Variants in ARHGAP22 observed in about 807,000 individuals in gnomAD.
ARHGAP22 encodes the protein Rho GTPase activating protein 22.
ARHGAP22 carries 48 observed loss-of-function variants against 59.1 expected under a neutral mutation model. The observed-to-expected ratio is 0.81, with a 90% confidence interval of 0.64 to 1.03. The LOEUF (loss-of-function observed/expected upper bound fraction) is 1.03, where lower values mean the gene tolerates loss of function less well. ARHGAP22 is among the 50% of genes least tolerant of loss of function. The pLI, the probability that ARHGAP22 is intolerant of heterozygous loss-of-function variation, is 0.00. For missense variants in ARHGAP22, 1,015 were observed against 958.7 expected (o/e 1.06, Z -0.78); for synonymous variants, 445 against 416.4 (o/e 1.07, Z -0.84).
chr10:48,447,252 T>C (rs540511388), intron 9 of ARHGAP22, among the ~76,000 whole-genome samples: 1 of 152,200 alleles, frequency 6.6e-6, no homozygotes, highest in Non-Finnish European at 1.5e-5. Context: ...TGTGCCAAGG[T>C]TGGCATGGCC....
At chr10:48,640,851 A>G (rs1185472850) in intron 1 of ARHGAP22, among the ~76,000 whole-genome samples, 1 of 152,188 alleles carries the variant, frequency 6.6e-6, no homozygotes. Context: ...TTTCCTCTTA[A>G]CATCTTTTAA....
chr10:48,616,997 A>C (rs1410903129), intron 1 of ARHGAP22, among the ~76,000 whole-genome samples: 1 of 152,126 alleles, frequency 6.6e-6, no homozygotes, highest in Non-Finnish European at 1.5e-5. Flanking sequence ...GTAAGACAAC[A>C]ATTATAAATC....
At chr10:48,610,194 T>C (rs2060828533) in intron 1 of ARHGAP22, among the ~76,000 whole-genome samples, 1 of 152,162 alleles carries the variant, frequency 6.6e-6, no homozygotes, top group African/African-American at 2.4e-5. Flanking sequence ...TGGCATACCC[T>C]CCCTTTGACA....
intron 3 of ARHGAP22, among the ~76,000 whole-genome samples, chr10:48,528,377 A>C (rs1173282127): frequency 2.0e-5 from 3 of 152,204 alleles, no homozygotes; most frequent in Non-Finnish European, 4.4e-5. Context: ...TATAATGATC[A>C]TTCTTTCCTT....
chr10:48,576,828 A>G (rs1004419902), intron 2 of ARHGAP22, among the ~76,000 whole-genome samples: 1 of 151,942 alleles, frequency 6.6e-6, no homozygotes, highest in African/African-American at 2.4e-5. Flanking sequence ...TTGATTTTAC[A>G]TTTTAGTCAT....
intron 1 of ARHGAP22, among the ~76,000 whole-genome samples, chr10:48,632,358 T>C (rs999932993): frequency 5.4e-4 from 82 of 152,368 alleles, no homozygotes; most frequent in African/African-American, 1.9e-3. Flanking sequence ...TGCAATCCTA[T>C]GTTGGTAGGG....
At chr10:48,470,931 C>T (rs2133957500) in intron 4 of ARHGAP22, among the ~76,000 whole-genome samples, 1 of 152,360 alleles carries the variant, frequency 6.6e-6, no homozygotes, top group Admixed American at 6.5e-5. Flanking sequence ...GGGTAATCAC[C>T]TTTCACTCTG....
intron 1 of ARHGAP22, among the ~76,000 whole-genome samples, chr10:48,594,076 A>G (rs1448921336): frequency 6.6e-6 from 1 of 152,226 alleles, no homozygotes; most frequent in Non-Finnish European, 1.5e-5. Flanking sequence ...CAATTAAAGG[A>G]TCATTATTTG....
intron 3 of ARHGAP22, among the ~76,000 whole-genome samples, chr10:48,537,885 A>T: frequency 6.6e-6 from 1 of 152,194 alleles, no homozygotes; most frequent in South Asian, 2.1e-4. Flanking sequence ...CCAGGAGTGG[A>T]CAGCAGGAAC....
At chr10:48,464,231 C>G (rs2047431706) in intron 4 of ARHGAP22, among the ~76,000 whole-genome samples, 2 of 152,240 alleles carry the variant, frequency 1.3e-5, no homozygotes, top group South Asian at 4.1e-4. Context: ...ACTTGGCAAG[C>G]AGGCAAGGCC....
At chr10:48,456,428 T>C (rs954434641) in intron 5 of ARHGAP22, among the ~76,000 whole-genome samples, 4 of 151,926 alleles carry the variant, frequency 2.6e-5, no homozygotes, top group African/African-American at 9.7e-5. Flanking sequence ...CCTCCTTCCA[T>C]CTCCAGCCAG....
In ARHGAP22 at chr10:48,642,161, C is replaced by T. The variant is rs546399090; in HGVS notation, c.52+10073G>A. Among the ~76,000 whole-genome samples the T allele has an allele frequency of 7.0e-4, 107 of 152,250 alleles. 1 individual carries two copies. Among genetic ancestry groups the T allele is most frequent in the Non-Finnish European group, 1.0e-3 (70 of 67,996 alleles). On this transcript the variant is annotated intron_variant, in intron 1 of 9. Coordinates refer to the ARHGAP22 transcript ENST00000435790. ...CAATATCATGAAAATGGCCATACTGCCCAAGGTAATTTATAGATTCAATGC... is the reference window on the plus strand; with the variant it reads ...CAATATCATGAAAATGGCCATACTGTCCAAGGTAATTTATAGATTCAATGC...
rs79065302 is a variant in ARHGAP22, at chr10:48,517,314, G to A, written c.323-37550C>T. On this transcript the variant is annotated intron_variant, in intron 3 of 9. Coordinates refer to ENST00000249601, the MANE Select transcript of ARHGAP22 (RefSeq NM_021226.4). ...CAGTGATAGGATGTTTAGAAGAGCC[G>A]GCAAAAGACAACTTAGGCAGGATAA... Among the ~76,000 whole-genome samples the A allele has an allele frequency of 1.2e-3, 183 of 152,270 alleles. 4 individuals carry two copies. The East Asian group carries it at 0.03, about 25-fold the overall frequency.
At chr10:48,452,932 AC>A (rs2046125661) in intron 8 of ARHGAP22, among the ~76,000 whole-genome samples, 1 of 152,168 alleles carries the variant, frequency 6.6e-6, no homozygotes, top group African/African-American at 2.4e-5. Flanking sequence ...ACATCCAGGA[AC>A]CTATGACAAT....
At chr10:48,570,773 G>A (rs1474917447) in intron 2 of ARHGAP22, among the ~76,000 whole-genome samples, 1 of 152,290 alleles carries the variant, frequency 6.6e-6, no homozygotes, top group South Asian at 2.1e-4. Context: ...GGGCCCCATG[G>A]CATCAAGGTC....
At chr10:48,570,735 T>A (rs2058345825) in intron 2 of ARHGAP22, among the ~76,000 whole-genome samples, 2 of 152,206 alleles carry the variant, frequency 1.3e-5, no homozygotes, top group South Asian at 4.2e-4. Flanking sequence ...CCAAGAGCAA[T>A]GAGATCCATG....
chr10:48,518,311 C>T (rs2053491162), intron 3 of ARHGAP22, among the ~76,000 whole-genome samples: 1 of 152,166 alleles, frequency 6.6e-6, no homozygotes, highest in Admixed American at 6.5e-5. Flanking sequence ...GCCAGCCTTC[C>T]CAGCAGCAAG....
chr10:48,627,802 G>A (rs1194640547), intron 1 of ARHGAP22, among the ~76,000 whole-genome samples: 1 of 152,226 alleles, frequency 6.6e-6, no homozygotes, highest in African/African-American at 2.4e-5. Flanking sequence ...CCGGCCTCTG[G>A]TGTGGCTGGC....
At chr10:48,523,658 C>A (rs1161839010) in intron 3 of ARHGAP22, among the ~76,000 whole-genome samples, 6 of 151,998 alleles carry the variant, frequency 3.9e-5, no homozygotes, top group African/African-American at 1.2e-4. Context: ...GCCGGGCTCG[C>A]GGTGCAGAGA....
Sources: gnomAD v4.1 joint callset for allele counts (sites outside exome capture counted in the v4.1 genomes callset) on GRCh38, gnomAD v4.1.1 for gene constraint, MANE v1.5 for transcripts, NCBI Gene and HGNC (gene_info 2026-07-23, HGNC 2026-07-21) for gene names.